Variants in RAB40C observed in about 807,000 individuals in gnomAD.
RAB40C encodes RAB40C, member RAS oncogene family.
Under a neutral mutation model 28.1 loss-of-function variants are expected in RAB40C, and 8 were observed. That is an observed-to-expected ratio of 0.28 (90% confidence interval 0.17 to 0.51). The LOEUF is 0.51. Among genes scored for constraint, RAB40C ranks in the 20% least tolerant of loss-of-function variants. RAB40C has a pLI of 0.97. For synonymous variants in RAB40C, 201 were observed against 171.7 expected (o/e 1.17, Z -1.34); for missense variants, 288 against 405.9 (o/e 0.71, Z 2.50).
intron 1 of RAB40C, among the ~76,000 whole-genome samples, chr16:607,616 C>A (rs1013695174): frequency 1.1e-4 from 17 of 151,640 alleles, no homozygotes; most frequent in African/African-American, 2.9e-4. Flanking sequence ...ACGGTGAAAC[C>A]CCGTCTCTAC....
At chr16:601,735 G>T (rs1029549269) in intron 1 of RAB40C, among the ~76,000 whole-genome samples, 2 of 150,256 alleles carry the variant, frequency 1.3e-5, no homozygotes, top group African/African-American at 4.9e-5. Flanking sequence ...CAGCTACTTG[G>T]GAAGTCAAGG....
chr16:596,073 G>A (rs771723562), intron 1 of RAB40C, among the ~76,000 whole-genome samples: 5 of 152,250 alleles, frequency 3.3e-5, no homozygotes, highest in African/African-American at 1.2e-4. Context: ...TGCTCTAAGC[G>A]CTCACAGGCA....
chr16:625,929 G>A lies in RAB40C; in HGVS notation c.373G>A (p.Gly125Arg). Reference protein sequence around the residue: ...HAPGVPRILVGNRLHLAFKRQ... With the variant: ...HAPGVPRILVRNRLHLAFKRQ... ...ACCCGGAGTCCCCCGGATCTTGGTT[G>A]GAAACCGGCTGCACCTGGCCTTCAA... Residue 125 changes from glycine (G) to arginine (R), a missense_variant, in exon 5 of 6, where the codon GGA becomes AGA. Gly to Arg is a moderately radical substitution (Grantham distance 125, BLOSUM62 -2). Around this residue, in one of 3 missense-constraint regions of RAB40C, gnomAD observed 153 missense variants for 262.4 expected, o/e 0.58. Transcript: ENST00000248139. 1.2e-6 allele frequency: 2 copies of A among 1,613,144 alleles called. No individual in the cohort carries two copies. Among genetic ancestry groups the A allele is most frequent in the Non-Finnish European group, 1.7e-6 (2 of 1,179,892 alleles).
rs112902525 is a variant in RAB40C, at chr16:615,777, C to T, written c.143-1431C>T. ...AGGAATTTGTGACCAGCTTAGCCAA[C>T]GTGGCAAAACCCCGTCTCTACTAAA... On this transcript the variant is annotated intron_variant, in intron 1 of 5. Transcript: ENST00000248139. Among the ~76,000 whole-genome samples the T allele has an allele frequency of 4.8e-3, 736 of 152,238 alleles. 3 individuals are homozygous for T. Among genetic ancestry groups the T allele is most frequent in the Non-Finnish European group, 8.4e-3 (573 of 68,026 alleles).
Position 590,244 on chromosome 16 carries a change from C to T in RAB40C, c.-48C>T. 1.5e-6 allele frequency: 2 copies of T among 1,355,528 alleles called. No homozygotes were observed. The highest frequency in any genetic ancestry group is 1.9e-6 in the Non-Finnish European group (2 of 1,041,648). The allele number at this position is 1,355,528 out of a possible 1,614,324, so 84.0% of individuals were successfully genotyped here. ...GGCTCTCTCACGCCGCGGCCTCACC[C>T]GGCGGTGCTTCGGCAGGCGGCCGGC... is the stretch of plus-strand genomic sequence containing the variant. On this transcript the variant is annotated 5_prime_UTR_variant, in exon 1 of 6. Transcript: ENST00000248139.
chr16:618,794 T>C (rs1596413174), intron 3 of RAB40C, among the ~76,000 whole-genome samples: 2 of 129,144 alleles, frequency 1.5e-5, no homozygotes, highest in East Asian at 4.7e-4. Flanking sequence ...TGTGGTGTAC[T>C]TGGAGCTGTG....
intron 1 of RAB40C, among the ~76,000 whole-genome samples, chr16:607,529 C>T (rs1298685148): frequency 2.0e-5 from 3 of 147,578 alleles, no homozygotes; most frequent in Non-Finnish European, 4.5e-5. Context: ...GGGGGCCGGG[C>T]GCGGTGGCTC....
chr16:620,153 G>A (rs2036681297), intron 3 of RAB40C, among the ~76,000 whole-genome samples: 1 of 152,230 alleles, frequency 6.6e-6, no homozygotes, highest in Non-Finnish European at 1.5e-5. Flanking sequence ...CCAGCACTTT[G>A]GGAGGCCAAG....
intron 3 of RAB40C, among the ~76,000 whole-genome samples, chr16:623,479 C>G (rs1363689011): frequency 6.6e-6 from 1 of 151,562 alleles, no homozygotes; most frequent in Non-Finnish European, 1.5e-5. Context: ...GAAACCCTGT[C>G]TCTACTAAAA....
chr16:622,433 T>C (rs1470433275), intron 3 of RAB40C, among the ~76,000 whole-genome samples: 1 of 152,214 alleles, frequency 6.6e-6, no homozygotes, highest in Non-Finnish European at 1.5e-5. Flanking sequence ...GGAAACTGAC[T>C]GTCAGGGCGG....
chr16:601,815 T>TAAAAAAAAAAAAAAAAAAAAAAAAA (rs60094426), intron 1 of RAB40C, among the ~76,000 whole-genome samples: 13 of 27,200 alleles, frequency 4.8e-4, no homozygotes, highest in Non-Finnish European at 7.8e-4. Flanking sequence ...CAAAAAAAAG[T>TAAAAAAAAAAAAAAAAAAAAAAAAA]AAAAAAAAAA....
In RAB40C at chr16:626,197, C is replaced by G. The variant is rs547538810; in HGVS notation, c.565+76C>G. 2.5e-5 allele frequency: 36 copies of G among 1,430,024 alleles called. No homozygotes were observed. The African/African-American group carries it at 5.1e-4, about 20-fold the overall frequency. 88.6% of individuals were successfully genotyped at this position (1,430,024 alleles called of 1,614,324 possible). On this transcript the variant is annotated intron_variant, in intron 5 of 5. Transcript: ENST00000248139. The stretch of plus-strand genomic sequence containing the variant: ...CTGATCACATGGAGGCTGAGGGGGG[C>G]CAGGGGCCAGTGAGGGAGGTTCAGG...
chr16:615,941 G>A (rs1353670630), intron 1 of RAB40C, among the ~76,000 whole-genome samples: 5 of 151,798 alleles, frequency 3.3e-5, no homozygotes, highest in African/African-American at 1.2e-4. Context: ...CAGCCTGGGC[G>A]ACAGAGTGAG....
intron 3 of RAB40C, among the ~76,000 whole-genome samples, chr16:622,773 GGATCGCAGGCGT>G (rs2036747854): frequency 6.6e-6 from 1 of 152,218 alleles, no homozygotes; most frequent in African/African-American, 2.4e-5. Flanking sequence ...CAAAGTGCTG[GGATCGCAGGCGT>G]GAGCCACGGC....
intron 2 of RAB40C, among the ~76,000 whole-genome samples, chr16:617,608 C>T (rs1041705746): frequency 3.4e-5 from 5 of 147,008 alleles, no homozygotes; most frequent in South Asian, 4.6e-4. Flanking sequence ...TTTGGGAGGC[C>T]GAGGCAGGAG....
intron 1 of RAB40C, among the ~76,000 whole-genome samples, chr16:592,372 T>G (rs1049785495): frequency 8.5e-5 from 13 of 152,146 alleles, no homozygotes; most frequent in African/African-American, 2.9e-4. Flanking sequence ...GCTTCAGCAG[T>G]GGGCAGCAGC....
chr16:625,196 T>G (rs1314411170), intron 3 of RAB40C: 1 of 1,418,424 alleles, frequency 7.1e-7, no homozygotes, highest in Non-Finnish European at 9.3e-7. Context: ...GAAGCGGCAT[T>G]TCTGACACCA....
chr16:627,317 G>A (rs2036859083), intron 5 of RAB40C, 25 bp from the exon 6 acceptor site: 2 of 1,602,582 alleles, frequency 1.2e-6, no homozygotes, highest in Non-Finnish European at 1.7e-6. Flanking sequence ...CAGCCCCATG[G>A]TCTGACACCC....
Position 606,892 on chromosome 16 carries a change from C to A in RAB40C, c.143-10316C>A, listed in dbSNP as rs945015647. The stretch of plus-strand genomic sequence containing the variant: ...ATCTCCCACCTCGAGATCCGTGCAC[C>A]TTAATCCTGTCTGCAGAGTCCCATG... On this transcript the variant is annotated intron_variant, in intron 1 of 5. Coordinates refer to ENST00000248139, the MANE Select transcript of RAB40C (RefSeq NM_021168.5). 2.0e-5 allele frequency among the ~76,000 whole-genome samples: 3 copies of A among 152,312 alleles called. No homozygotes were observed. The Middle Eastern group carries it at 0.01, about 518-fold the overall frequency.
Sources: gnomAD v4.1 joint callset for allele counts (sites outside exome capture counted in the v4.1 genomes callset) on GRCh38, gnomAD v4.1.1 for gene constraint, gnomAD v4.1.1 regional missense constraint, MANE v1.5 for transcripts, NCBI Gene and HGNC (gene_info 2026-07-23, HGNC 2026-07-21) for gene names.